The following ASB4 variants were observed in gnomAD, a reference collection of about 807,000 sequenced individuals.
The protein encoded by ASB4 is ankyrin repeat and SOCS box containing 4.
ASB4 carries 35 observed loss-of-function variants against 38.6 expected under a neutral mutation model. That is an observed-to-expected ratio of 0.91 (90% CI 0.69 to 1.20). The LOEUF (loss-of-function observed/expected upper bound fraction) is 1.20, where lower values mean the gene tolerates loss of function less well. Among genes scored for constraint, ASB4 ranks in the 50% most tolerant of loss-of-function variants. ASB4 has a pLI of 0.00. For synonymous variants in ASB4, 195 were observed against 201.3 expected, an observed-to-expected ratio of 0.97 and a Z score of 0.26; for missense variants, 557 against 527.2, an observed-to-expected ratio of 1.06 and a Z score of -0.55.
chr7:95,495,454 A>G (rs1207442060), intron 1 of ASB4, among the ~76,000 whole-genome samples: 1 of 152,340 alleles, frequency 6.6e-6, no homozygotes, highest in East Asian at 1.9e-4. Context: ...TGAAGATCCC[A>G]AACTTAAATG....
At chr7:95,514,996 TG>T (rs1790534401) in intron 2 of ASB4, among the ~76,000 whole-genome samples, 2 of 152,218 alleles carry the variant, frequency 1.3e-5, no homozygotes, top group African/African-American at 4.8e-5. Flanking sequence ...TTTCACCAGC[TG>T]GTGACGTAGA....
rs780291223 is a variant in ASB4, at chr7:95,496,101, T to G, written c.487+44T>G. On this transcript the variant is annotated intron_variant, in intron 2 of 4. Transcript: ENST00000325885. Reference sequence around the variant, plus strand: ...CCAACATTGTTGTCTGCTTGTACACTCATGGTTTCAAGACTTTGTGACCCC... The same window carrying G: ...CCAACATTGTTGTCTGCTTGTACACGCATGGTTTCAAGACTTTGTGACCCC... 23 of 1,560,816 alleles carry G rather than the reference T, an allele frequency of 1.5e-5. No individual in the cohort carries two copies. In the South Asian group the frequency reaches 2.3e-4, roughly 16 times the overall value.
the ASB4 span, among the ~76,000 whole-genome samples, chr7:95,470,870 A>C: frequency 6.6e-6 from 1 of 152,306 alleles, no homozygotes; most frequent in Middle Eastern, 3.4e-3. Flanking sequence ...AATTCTTTTA[A>C]GCCACCACCA....
intron 1 of ASB4, among the ~76,000 whole-genome samples, chr7:95,491,698 G>T (rs1790173699): frequency 6.6e-6 from 1 of 152,216 alleles, no homozygotes; most frequent in Admixed American, 6.5e-5. Flanking sequence ...ATCAGCAGAA[G>T]ATTGTGAATA....
At chr7:95,527,662 A>C (rs912141666) in intron 2 of ASB4, 151 bp from the exon 3 acceptor site, 1 of 770,024 alleles carries the variant, frequency 1.3e-6, no homozygotes, top group Non-Finnish European at 2.0e-6. Context: ...GCCCAGGAAG[A>C]GAGCCTGGGG....
chr7:95,531,513 T>A (rs1308503391), intron 3 of ASB4, among the ~76,000 whole-genome samples: 1 of 152,192 alleles, frequency 6.6e-6, no homozygotes, highest in East Asian at 1.9e-4. Context: ...GATAATTAAA[T>A]GAGATAGCAT....
chr7:95,541,882 A>G (rs964916675), downstream of ASB4, among the ~76,000 whole-genome samples: 17 of 152,150 alleles, frequency 1.1e-4, no homozygotes, highest in African/African-American at 4.1e-4. Context: ...GAATAATTTC[A>G]TTCATTTATT....
At position 95,539,200 on chromosome 7, in the gene ASB4, T is replaced by G. The variant is rs554266566; in HGVS notation, c.*1441T>G. 17 of 152,334 alleles carry G rather than the reference T, an allele frequency of 1.1e-4. No homozygotes were observed. Among genetic ancestry groups the G allele is most frequent in the African/African-American group, 3.6e-4 (15 of 41,580 alleles). 9.4% of individuals were successfully genotyped at this position (152,334 alleles called of 1,614,324 possible). A position where few individuals can be genotyped will look rare whatever the true frequency, so the allele number is the denominator to read the frequency against. ...GAGCAGATTTCTTTTATGTGTGTGGTTCTCCATCATATTTAACTTTGGATG... is the reference window on the plus strand; with the variant it reads ...GAGCAGATTTCTTTTATGTGTGTGGGTCTCCATCATATTTAACTTTGGATG... On this transcript the variant is annotated 3_prime_UTR_variant, in exon 5 of 5. Transcript: ENST00000325885.
chr7:95,490,929 A>G (rs1790162132), intron 1 of ASB4, among the ~76,000 whole-genome samples: 1 of 152,248 alleles, frequency 6.6e-6, no homozygotes, highest in East Asian at 1.9e-4. Context: ...GGTAAACTGC[A>G]TGTAGCCTTC....
rs562761650 is a variant in ASB4 at position 95,539,302 on chromosome 7, G to A, written c.*1543G>A. 4 of 152,262 alleles carry A rather than the reference G, an allele frequency of 2.6e-5. No homozygotes were observed. Among genetic ancestry groups the A allele is most frequent in the Non-Finnish European group, 5.9e-5 (4 of 68,026 alleles). The allele number at this position is 152,262 out of a possible 1,614,324, so 9.4% of individuals were successfully genotyped here. On this transcript the variant is annotated 3_prime_UTR_variant, in exon 5 of 5. Coordinates refer to ENST00000325885, the MANE Select transcript of ASB4 (RefSeq NM_016116.3). ...ATGTTAACTGGCAATCACCTAACTG[G>A]TTAATCTCAGTTGAGACTGTGCTTC...
chr7:95,543,156 C>T (rs538349834), downstream of ASB4: 8 of 152,334 alleles, frequency 5.3e-5, no homozygotes, highest in South Asian at 4.1e-4. Context: ...ATATAGATTA[C>T]GAATAATTTG....
chr7:95,535,724 G>A (rs1334384897), intron 3 of ASB4, among the ~76,000 whole-genome samples: 2 of 152,186 alleles, frequency 1.3e-5, no homozygotes, highest in Non-Finnish European at 2.9e-5. Flanking sequence ...TAAACAGAGT[G>A]TGCTAAGAGC....
In ASB4 at chr7:95,537,353, C is replaced by T. The variant is rs373652126; in HGVS notation, c.1093-218C>T. On this transcript the variant is annotated intron_variant, in intron 4 of 4. Transcript: ENST00000325885. The stretch of plus-strand genomic sequence containing the variant: ...CACACTTGCATATTTTATCTTATCT[C>T]CTGGGTTCTGAATTGTAGAATGTTA... 1.4e-4 allele frequency among the ~76,000 whole-genome samples: 22 copies of T among 152,290 alleles called. No homozygotes were observed. The East Asian group carries it at 4.0e-3, about 28-fold the overall frequency.
chr7:95,528,461 C>A, intron 3 of ASB4, 158 bp downstream of exon 3: 1 of 1,455,126 alleles, frequency 6.9e-7, no homozygotes, highest in East Asian at 2.4e-5. Flanking sequence ...CTAGCTGTCT[C>A]CTCATCTCAT....
At chr7:95,493,648 C>T (rs1790205671) in intron 1 of ASB4, among the ~76,000 whole-genome samples, 1 of 151,994 alleles carries the variant, frequency 6.6e-6, no homozygotes, top group Non-Finnish European at 1.5e-5. Flanking sequence ...GGTATGTTAC[C>T]TCCTTGTAAC....
chr7:95,516,937 T>C (rs1430507955), intron 2 of ASB4, among the ~76,000 whole-genome samples: 1 of 152,214 alleles, frequency 6.6e-6, no homozygotes, highest in Non-Finnish European at 1.5e-5. Context: ...TATCTCTAGC[T>C]TGAGCCTCTG....
the ASB4 span, among the ~76,000 whole-genome samples, chr7:95,547,689 T>C: frequency 6.6e-6 from 1 of 152,194 alleles, no homozygotes; most frequent in Non-Finnish European, 1.5e-5. Flanking sequence ...TTTTTAGAAG[T>C]AATAAACATT....
In ASB4 at chr7:95,537,655, A is replaced by G; in HGVS notation, c.1177A>G (p.Arg393Gly). Residue 393 changes from arginine to glycine, a missense_variant, in exon 5 of 5, where the codon AGA (arginine) becomes GGA (glycine). Coordinates refer to ENST00000325885, the MANE Select transcript of ASB4 (RefSeq NM_016116.3). Reference sequence around the variant, plus strand: ...CATGCACTTATCGAGATGTGCCATTAGAAGAACATTACACAACAGATGCCA... The same window carrying G: ...CATGCACTTATCGAGATGTGCCATTGGAAGAACATTACACAACAGATGCCA... ...TLMHLSRCAI[R>G]RTLHNRCHRA... 1.2e-6 allele frequency: 2 copies of G among 1,613,772 alleles called. No individual in the cohort carries two copies. Among genetic ancestry groups the G allele is most frequent in the Non-Finnish European group, 1.7e-6 (2 of 1,179,678 alleles).
At chr7:95,530,105 C>CAAAAAACA (rs1790798400) in intron 3 of ASB4, among the ~76,000 whole-genome samples, 1 of 99,708 alleles carries the variant, frequency 1.0e-5, no homozygotes, top group East Asian at 3.4e-4. Flanking sequence ...AAAAGCAGGG[C>CAAAAAACA]AAAAAAAAAA....
Sources: gnomAD v4.1 joint callset for allele counts (sites outside exome capture counted in the v4.1 genomes callset) on GRCh38, gnomAD v4.1.1 for gene constraint, MANE v1.5 for transcripts, NCBI Gene and HGNC (gene_info 2026-07-23, HGNC 2026-07-21) for gene names.